The following MTM1 variants were observed in gnomAD, a reference collection of about 807,000 sequenced individuals.
MTM1 encodes myotubularin 1, also known as myotubularin.
In MTM1, 9 loss-of-function variants were observed where a neutral mutation model predicts 52.1. That is an observed-to-expected ratio of 0.17 (90% CI 0.10 to 0.30). MTM1 has a LOEUF of 0.30. MTM1 is among the 10% of genes least tolerant of loss of function. The probability of loss-of-function intolerance (pLI) is 1.00; values close to 1 mark genes in which losing one functional copy is unlikely to be tolerated. For missense variants in MTM1, 277 were observed against 470.7 expected (o/e 0.59, Z 3.81); for synonymous variants, 136 against 163.8 (o/e 0.83, Z 1.29).
At chrX:150,589,020 G>A (rs1443565213) in intron 1 of MTM1, among the ~76,000 whole-genome samples, 1 of 111,874 alleles carries the variant, frequency 8.9e-6, no homozygotes, top group Non-Finnish European at 1.9e-5. Flanking sequence ...ACTGTTACAG[G>A]TGCTGTAAAT....
intron 11 of MTM1, among the ~76,000 whole-genome samples, chrX:150,658,270 T>C (rs781811846): frequency 2.7e-5 from 3 of 112,236 alleles, no homozygotes; most frequent in Admixed American, 9.4e-5. Context: ...AATGTTTACA[T>C]TGAAATTTCA....
intron 1 of MTM1, among the ~76,000 whole-genome samples, chrX:150,578,315 A>T (rs1468781248): frequency 4.5e-5 from 5 of 111,641 alleles, no homozygotes; most frequent in African/African-American, 1.6e-4. Context: ...AGTTCTGCCA[A>T]CACTCTGAAT....
chrX:150,573,951 G>A (rs1557411541), intron 1 of MTM1, among the ~76,000 whole-genome samples: 2 of 111,759 alleles, frequency 1.8e-5, no homozygotes, highest in Admixed American at 9.5e-5. Context: ...CCAGGAGGGC[G>A]CTGCGGTTAA....
At chrX:150,623,742 A>G (rs1433615834) in intron 6 of MTM1, among the ~76,000 whole-genome samples, 2 of 110,971 alleles carry the variant, frequency 1.8e-5, no homozygotes, top group Non-Finnish European at 3.8e-5. Context: ...AAAAGTTTCC[A>G]AACTGTCACA....
chrX:150,606,219 ATCT>A (rs2039154820), intron 4 of MTM1, among the ~76,000 whole-genome samples: 1 of 111,179 alleles, frequency 9.0e-6, no homozygotes, highest in South Asian at 3.8e-4. Context: ...GTCTTAAATC[ATCT>A]TCTTATATTG....
chrX:150,642,415 A>G (rs782293811), intron 8 of MTM1, among the ~76,000 whole-genome samples: 3 of 111,984 alleles, frequency 2.7e-5, no homozygotes, highest in Non-Finnish European at 3.8e-5. Flanking sequence ...TAGCACTACT[A>G]TTTTACCCAT....
At chrX:150,565,327 T>C (rs1202816453), upstream of MTM1, among the ~76,000 whole-genome samples, 4 of 112,288 alleles carry the variant, frequency 3.6e-5, no homozygotes, top group Non-Finnish European at 7.5e-5. Context: ...GCCTATAGAA[T>C]TTCTGGGACC....
chrX:150,601,366 C>T (rs1370137136), intron 4 of MTM1, among the ~76,000 whole-genome samples: 1 of 112,079 alleles, frequency 8.9e-6, no homozygotes, highest in Non-Finnish European at 1.9e-5. Flanking sequence ...AAAACATAGT[C>T]ATCATAGTGT....
intron 4 of MTM1, among the ~76,000 whole-genome samples, chrX:150,599,401 T>A (rs1453236688): frequency 1.8e-5 from 2 of 111,979 alleles, no homozygotes; most frequent in Non-Finnish European, 3.8e-5. Context: ...CCAGTGGATG[T>A]GGTGGGTTGT....
chrX:150,655,755 C>T (rs1180268816), intron 10 of MTM1, among the ~76,000 whole-genome samples: 2 of 111,672 alleles, frequency 1.8e-5, no homozygotes, highest in African/African-American at 6.5e-5. Flanking sequence ...AAAGATTGAC[C>T]TTAGATGGCA....
At chrX:150,655,366 A>T (rs2040095047) in intron 10 of MTM1, among the ~76,000 whole-genome samples, 1 of 110,500 alleles carries the variant, frequency 9.0e-6, no homozygotes, top group Non-Finnish European at 1.9e-5. Flanking sequence ...TCACCATTTG[A>T]TCCAACCGTT....
chrX:150,592,610 C>T lies in MTM1; in HGVS notation c.-5C>T. 1 of 1,192,330 alleles carries T rather than the reference C, an allele frequency of 8.4e-7. No individual in the cohort carries two copies. Among genetic ancestry groups the T allele is most frequent in the Non-Finnish European group, 1.1e-6 (1 of 878,447 alleles). On this transcript the variant is annotated 5_prime_UTR_variant, in exon 2 of 15. Transcript: ENST00000370396. ...AATGTTGTGTTTCTTGGTAGAGTTT[C>T]CAGGATGGCTTCTGCATCAACTTCT...
intron 5 of MTM1, among the ~76,000 whole-genome samples, chrX:150,617,767 A>G (rs893143280): frequency 9.0e-6 from 1 of 111,706 alleles, no homozygotes; most frequent in African/African-American, 3.3e-5. Context: ...AAAAATGAAG[A>G]CTGTGATATC....
chrX:150,580,612 G>A (rs1291082966), intron 1 of MTM1, among the ~76,000 whole-genome samples: 5 of 109,445 alleles, frequency 4.6e-5, no homozygotes, highest in Non-Finnish European at 9.5e-5. Context: ...AAATATGTAC[G>A]TTCAGTCCTT....
chrX:150,603,898 C>T (rs1246028864), intron 4 of MTM1, among the ~76,000 whole-genome samples: 1 of 111,629 alleles, frequency 9.0e-6, no homozygotes, highest in Non-Finnish European at 1.9e-5. Flanking sequence ...GCGAGAAGAG[C>T]CAGTGGAGAC....
chrX:150,625,908 C>T (rs959649541), intron 6 of MTM1, among the ~76,000 whole-genome samples: 8 of 112,675 alleles, frequency 7.1e-5, no homozygotes, highest in Non-Finnish European at 1.5e-4. Flanking sequence ...CTGGGTTGCA[C>T]AGCCTTTGCT....
intron 14 of MTM1, among the ~76,000 whole-genome samples, chrX:150,670,184 T>C (rs1485908956): frequency 8.9e-6 from 1 of 112,505 alleles, no homozygotes; most frequent in Non-Finnish European, 1.9e-5. Flanking sequence ...GATTTTGCAC[T>C]GTGTGTGGTT....
chrX:150,635,374 G>C (rs1569565479), intron 6 of MTM1, among the ~76,000 whole-genome samples: 1 of 111,698 alleles, frequency 9.0e-6, no homozygotes, highest in Non-Finnish European at 1.9e-5. Flanking sequence ...CCAAATTAAG[G>C]GTCAAAATTG....
intron 4 of MTM1, among the ~76,000 whole-genome samples, chrX:150,600,759 A>G (rs5924835): frequency 0.37 from 41,246 of 111,135 alleles, 6,684 homozygotes; most frequent in East Asian, 0.68. Flanking sequence ...GAAAGATTTT[A>G]TGCTAATATA....
Sources: gnomAD v4.1 joint callset for allele counts (sites outside exome capture counted in the v4.1 genomes callset) on GRCh38, gnomAD v4.1.1 for gene constraint, MANE v1.5 for transcripts, NCBI Gene and HGNC (gene_info 2026-07-23, HGNC 2026-07-21) for gene names.